TMCC1: variants seen among roughly 807,000 people sequenced by gnomAD.
The protein encoded by TMCC1 is transmembrane and coiled-coil domains protein 1.
In TMCC1, 15 loss-of-function variants were observed where a neutral mutation model predicts 52.4. The observed-to-expected ratio is 0.29, with a 90% CI of 0.19 to 0.44. The LOEUF (loss-of-function observed/expected upper bound fraction) is 0.44, where lower values mean the gene tolerates loss of function less well. TMCC1 is among the 20% of genes least tolerant of loss of function. TMCC1 has a pLI of 1.00. For synonymous variants in TMCC1, 279 were observed against 301.9 expected, an observed-to-expected ratio of 0.92 and a Z score of 0.79; for missense variants, 503 against 806.0, an observed-to-expected ratio of 0.62 and a Z score of 4.55.
intron 4 of TMCC1, among the ~76,000 whole-genome samples, chr3:129,735,510 G>C (rs1009402710): frequency 6.6e-6 from 1 of 151,970 alleles, no homozygotes; most frequent in African/African-American, 2.4e-5. Flanking sequence ...ATAGCCAGGT[G>C]TTGTGGCACG....
intron 2 of TMCC1, among the ~76,000 whole-genome samples, chr3:129,871,771 T>A (rs1426945135): frequency 6.6e-6 from 1 of 151,806 alleles, no homozygotes; most frequent in African/African-American, 2.4e-5. Flanking sequence ...AAAGAAAAAA[T>A]GTGTAATCAA....
chr3:129,796,537 T>C (rs1262799980), intron 4 of TMCC1, among the ~76,000 whole-genome samples: 2 of 152,142 alleles, frequency 1.3e-5, no homozygotes, highest in Non-Finnish European at 2.9e-5. Context: ...AACCTCAATA[T>C]GGCCAGGTTC....
intron 4 of TMCC1, among the ~76,000 whole-genome samples, chr3:129,816,550 G>C (rs1457122565): frequency 6.6e-6 from 1 of 152,134 alleles, no homozygotes; most frequent in Non-Finnish European, 1.5e-5. Context: ...TGAAAATAAA[G>C]AGTAGACTAG....
intron 2 of TMCC1, among the ~76,000 whole-genome samples, chr3:129,860,783 A>G (rs886138915): frequency 6.6e-6 from 1 of 152,016 alleles, no homozygotes. Context: ...TATTTTTAGT[A>G]GAGATGGCGT....
chr3:129,856,623 T>G (rs2060157933), intron 2 of TMCC1, among the ~76,000 whole-genome samples: 1 of 152,140 alleles, frequency 6.6e-6, no homozygotes, highest in African/African-American at 2.4e-5. Context: ...GTTCTCAAAA[T>G]AAAACAATGT....
intron 4 of TMCC1, among the ~76,000 whole-genome samples, chr3:129,728,361 C>T (rs2050274104): frequency 6.6e-6 from 1 of 152,172 alleles, no homozygotes; most frequent in Non-Finnish European, 1.5e-5. Context: ...TCTTGACTCA[C>T]TGCAACCTCC....
In TMCC1 at chr3:129,812,213, G is replaced by A. The variant is rs567899463; in HGVS notation, c.576+15590C>T. On this transcript the variant is annotated intron_variant, in intron 4 of 6. Transcript: ENST00000393238. ...AAAAATTAGCTAGATGTGGTGGCAC[G>A]CACCTGTAATCCCAGCTTCTTGGGA... Among the ~76,000 whole-genome samples, 297 of 151,354 alleles carry A rather than the reference G, an allele frequency of 2.0e-3. 4 individuals are homozygous for A. Among genetic ancestry groups the A allele is most frequent in the African/African-American group, 6.7e-3 (275 of 41,288 alleles).
At chr3:129,750,822 G>T (rs1017998746) in intron 4 of TMCC1, among the ~76,000 whole-genome samples, 3 of 150,854 alleles carry the variant, frequency 2.0e-5, no homozygotes, top group Non-Finnish European at 3.0e-5. Context: ...TGATCCACCC[G>T]CCACAGCCTC....
At chr3:129,686,931 G>A (rs541662043) in intron 4 of TMCC1, among the ~76,000 whole-genome samples, 7 of 152,200 alleles carry the variant, frequency 4.6e-5, no homozygotes, top group South Asian at 4.1e-4. Context: ...TGAAAACAGA[G>A]TTAAAGAAAG....
intron 4 of TMCC1, among the ~76,000 whole-genome samples, chr3:129,748,259 C>T (rs2052161635): frequency 6.6e-6 from 1 of 152,112 alleles, no homozygotes; most frequent in Non-Finnish European, 1.5e-5. Context: ...TTCTTGCCTG[C>T]TACATATGGG....
chr3:129,887,364 G>A (rs377279830), intron 1 of TMCC1, among the ~76,000 whole-genome samples: 158 of 151,820 alleles, frequency 1.0e-3, no homozygotes, highest in African/African-American at 3.4e-3. Flanking sequence ...CAACATGGGG[G>A]AATCCCGTCT....
chr3:129,764,512 A>G (rs1168096610), intron 4 of TMCC1, among the ~76,000 whole-genome samples: 2 of 152,128 alleles, frequency 1.3e-5, no homozygotes, highest in Admixed American at 6.6e-5. Flanking sequence ...ATGGCAATAC[A>G]TTAGATGCTA....
rs553619556 is a variant in TMCC1 at position 129,730,622 on chromosome 3, G to C, written c.577-59358C>G. ...TAACTTTATTTTTCTTTTCCAGTAT[G>C]GTTGACTCTTCTAGTTCTTTTGCCT... On this transcript the variant is annotated intron_variant, in intron 4 of 6. Coordinates refer to ENST00000393238, the MANE Select transcript of TMCC1 (RefSeq NM_001017395.5). Among the ~76,000 whole-genome samples the C allele has an allele frequency of 7.2e-5, 11 of 152,218 alleles. No homozygotes were observed. The East Asian group carries it at 2.1e-3, about 29-fold the overall frequency.
chr3:129,814,830 T>C (rs2058018058), intron 4 of TMCC1, among the ~76,000 whole-genome samples: 1 of 152,122 alleles, frequency 6.6e-6, no homozygotes, highest in African/African-American at 2.4e-5. Context: ...AAAGATAAAC[T>C]GGTTAATTCA....
chr3:129,834,643 A>C (rs1414244961), intron 2 of TMCC1, among the ~76,000 whole-genome samples: 5 of 152,216 alleles, frequency 3.3e-5, no homozygotes, highest in Admixed American at 2.0e-4. Context: ...CAGAGAAATT[A>C]GGTAAGGAAC....
chr3:129,872,954 G>A (rs899797302), intron 2 of TMCC1, among the ~76,000 whole-genome samples: 1 of 143,602 alleles, frequency 7.0e-6, no homozygotes, highest in Non-Finnish European at 1.5e-5. Flanking sequence ...GTCTTGCTCT[G>A]TTGCCCAGGC....
intron 4 of TMCC1, among the ~76,000 whole-genome samples, chr3:129,720,328 T>C (rs145379647): frequency 6.6e-6 from 1 of 152,278 alleles, no homozygotes; most frequent in Non-Finnish European, 1.5e-5. Flanking sequence ...AAGCAGAGGC[T>C]TAAAAAGTAT....
intron 2 of TMCC1, among the ~76,000 whole-genome samples, chr3:129,872,682 G>A (rs941348783): frequency 1.3e-5 from 2 of 152,128 alleles, no homozygotes; most frequent in South Asian, 2.1e-4. Flanking sequence ...CAGGGAGGCT[G>A]AAAAGCCAAC....
chr3:129,804,191 T>C (rs2057337750), intron 4 of TMCC1, among the ~76,000 whole-genome samples: 1 of 152,226 alleles, frequency 6.6e-6, no homozygotes, highest in African/African-American at 2.4e-5. Flanking sequence ...AGTCTTCCTA[T>C]TAAGAGACCA....
Sources: gnomAD v4.1 joint callset for allele counts (sites outside exome capture counted in the v4.1 genomes callset) on GRCh38, gnomAD v4.1.1 for gene constraint, MANE v1.5 for transcripts, NCBI Gene and HGNC (gene_info 2026-07-23, HGNC 2026-07-21) for gene names.